CDK19: variants seen among roughly 807,000 people sequenced by gnomAD.
The protein encoded by CDK19 is cyclin dependent kinase 19, also known as cyclin-dependent kinase 19.
Under a neutral mutation model 68.3 loss-of-function variants are expected in CDK19, and 20 were observed. The ratio of observed to expected loss-of-function variants is 0.29; its 90% CI spans 0.21 to 0.43. The LOEUF is 0.43. Among genes scored for constraint, CDK19 ranks in the 20% least tolerant of loss-of-function variants. The pLI is 1.00. For missense variants in CDK19, 339 were observed against 623.5 expected (o/e 0.54, Z 4.86); for synonymous variants, 221 against 222.8 (o/e 0.99, Z 0.07).
chr6:110,649,564 G>T (rs1412224072), intron 4 of CDK19, among the ~76,000 whole-genome samples: 1 of 151,972 alleles, frequency 6.6e-6, no homozygotes, highest in Non-Finnish European at 1.5e-5. Context: ...GAAAATAAAT[G>T]ACAAAGCACA....
chr6:110,632,291 C>T (rs1244419490), intron 5 of CDK19, 130 bp from the exon 6 acceptor site: 2 of 647,386 alleles, frequency 3.1e-6, no homozygotes, highest in Non-Finnish European at 5.2e-6. Flanking sequence ...TAGCTGCTGA[C>T]CTTATAAAGC....
At chr6:110,631,696 T>G (rs1562138869) in intron 6 of CDK19, among the ~76,000 whole-genome samples, 2 of 152,230 alleles carry the variant, frequency 1.3e-5, no homozygotes, top group African/African-American at 2.4e-5. Context: ...TTTCATTTTG[T>G]GAAGAAAACA....
chr6:110,752,835 G>C (rs1219158642), intron 1 of CDK19, among the ~76,000 whole-genome samples: 1 of 151,438 alleles, frequency 6.6e-6, no homozygotes, highest in Non-Finnish European at 1.5e-5. Flanking sequence ...CCAAAGTACT[G>C]GAATTACAAG....
rs1562230544 is a variant in CDK19 at position 110,719,994 on chromosome 6, CCT to C, written c.204+26130_204+26131del. On this transcript the variant is annotated intron_variant, in intron 2 of 12. Transcript: ENST00000368911. ...TCCGCCCCCCCCCCCCCACCCCCCC[CCT>C]GCTTCGGCCTCCCAAAATGCTGGGA... Among the ~76,000 whole-genome samples the C allele has an allele frequency of 1.3e-3, 169 of 126,902 alleles. 2 individuals carry two copies. In the South Asian group the frequency reaches 0.026, roughly 20 times the overall value. The allele number at this position is 126,902 out of a possible 152,430, so 83.3% of individuals were successfully genotyped here. A position where few individuals can be genotyped will look rare whatever the true frequency, so the allele number is the denominator to read the frequency against.
At chr6:110,767,095 T>G (rs1288725645) in intron 1 of CDK19, among the ~76,000 whole-genome samples, 3 of 151,664 alleles carry the variant, frequency 2.0e-5, no homozygotes, top group Non-Finnish European at 4.4e-5. Flanking sequence ...ATTGTGCCAC[T>G]GCACTCCAGC....
chr6:110,787,902 T>TGCAA (rs1349343346), intron 1 of CDK19, among the ~76,000 whole-genome samples: 1 of 150,332 alleles, frequency 6.7e-6, no homozygotes, highest in Non-Finnish European at 1.5e-5. Context: ...TGCAGTGGCG[T>TGCAA]GATTTCGGCT....
chr6:110,621,028 T>C lies in CDK19; in HGVS notation c.1377+76A>G. On this transcript the variant is annotated intron_variant, in intron 12 of 12. Coordinates refer to ENST00000368911, the MANE Select transcript of CDK19 (RefSeq NM_015076.5). The surrounding 1 kb of genome is among the most constrained non-coding windows in gnomAD (Gnocchi z 5.4). Reference sequence around the variant, plus strand: ...GTCAAATGTAAGAGTTAAGTGTTACTTAACTCTAAAAGGATCTAGGATAAA... The same window carrying C: ...GTCAAATGTAAGAGTTAAGTGTTACCTAACTCTAAAAGGATCTAGGATAAA... The C allele has an allele frequency of 7.1e-6, 10 of 1,402,660 alleles. No homozygotes were observed. Among genetic ancestry groups the C allele is most frequent in the Non-Finnish European group, 9.7e-6 (10 of 1,030,412 alleles). The allele number at this position is 1,402,660 out of a possible 1,614,324, so 86.9% of individuals were successfully genotyped here. A position where few individuals can be genotyped will look rare whatever the true frequency, so the allele number is the denominator to read the frequency against.
intron 2 of CDK19, among the ~76,000 whole-genome samples, chr6:110,735,430 G>A (rs1473890499): frequency 1.3e-5 from 2 of 152,022 alleles, no homozygotes; most frequent in African/African-American, 2.4e-5. Flanking sequence ...AGCCCACTTT[G>A]TTCCAAGCAC....
intron 1 of CDK19, among the ~76,000 whole-genome samples, chr6:110,790,839 C>A (rs1781541000): frequency 6.6e-6 from 1 of 151,992 alleles, no homozygotes; most frequent in Non-Finnish European, 1.5e-5. Flanking sequence ...ACTGGTTAAA[C>A]AAATAAAGGT....
intron 2 of CDK19, among the ~76,000 whole-genome samples, chr6:110,681,977 G>C (rs1402523156): frequency 6.6e-6 from 1 of 152,118 alleles, no homozygotes; most frequent in Non-Finnish European, 1.5e-5. Flanking sequence ...ACTTTCTCTA[G>C]ATCCTGACTC....
intron 2 of CDK19, among the ~76,000 whole-genome samples, chr6:110,714,722 C>CTTTTTTTT (rs112875656): frequency 1.4e-5 from 1 of 69,838 alleles, no homozygotes; most frequent in African/African-American, 4.0e-5. Flanking sequence ...AATGTCTTTT[C>CTTTTTTTT]TTTTTTTTTT....
At position 110,613,682 on chromosome 6, in the gene CDK19, G is replaced by C. The variant is rs971338413; in HGVS notation, c.*853C>G. 3 of 152,594 alleles carry C rather than the reference G, an allele frequency of 2.0e-5. No individual in the cohort carries two copies. Among genetic ancestry groups the C allele is most frequent in the Admixed American group, 6.5e-5 (1 of 15,282 alleles). 9.5% of individuals were successfully genotyped at this position (152,594 alleles called of 1,614,324 possible). On this transcript the variant is annotated 3_prime_UTR_variant, in exon 13 of 13. Transcript: ENST00000368911. ...TCCTTACAGAAATCCTAGTGCAGTT[G>C]TTACTCTCTTCAGCGTTTTGGTGTG...
At chr6:110,722,036 A>T (rs1346141077) in intron 2 of CDK19, among the ~76,000 whole-genome samples, 1 of 152,144 alleles carries the variant, frequency 6.6e-6, no homozygotes, top group East Asian at 1.9e-4. Context: ...AATTTCTCTT[A>T]TCTGTGTATG....
intron 4 of CDK19, among the ~76,000 whole-genome samples, chr6:110,653,697 G>C (rs1186696294): frequency 6.6e-6 from 1 of 152,122 alleles, no homozygotes; most frequent in Non-Finnish European, 1.5e-5. Context: ...GCAAAAGTCA[G>C]GGAAATAATG....
chr6:110,813,378 G>A (rs182513885), intron 1 of CDK19: 4 of 152,198 alleles, frequency 2.6e-5, no homozygotes, highest in African/African-American at 9.6e-5. Context: ...GTTAGCATGA[G>A]GAGTATGGGA....
At chr6:110,812,415 C>A (rs1434473422) in intron 1 of CDK19, among the ~76,000 whole-genome samples, 1 of 152,184 alleles carries the variant, frequency 6.6e-6, no homozygotes, top group Non-Finnish European at 1.5e-5. Context: ...AGCCACCGCA[C>A]CCGACCCAGA....
At chr6:110,637,978 G>A (rs1053333754) in intron 5 of CDK19, among the ~76,000 whole-genome samples, 9 of 151,920 alleles carry the variant, frequency 5.9e-5, no homozygotes, top group Non-Finnish European at 1.3e-4. Flanking sequence ...GCGAGACTCC[G>A]TCTCAAAAAA....
chr6:110,765,495 CATGGT>C (rs1779519256), intron 1 of CDK19, among the ~76,000 whole-genome samples: 1 of 151,998 alleles, frequency 6.6e-6, no homozygotes, highest in African/African-American at 2.4e-5. Context: ...TGCCCAACAA[CATGGT>C]GAAACCCCGT....
intron 4 of CDK19, among the ~76,000 whole-genome samples, chr6:110,651,243 A>ATCTATCTG (rs540760556): frequency 7.2e-4 from 109 of 151,868 alleles, no homozygotes; most frequent in African/African-American, 2.6e-3. Flanking sequence ...CTATCTATCT[A>ATCTATCTG]TCTATCTATC....
Sources: gnomAD v4.1 joint callset for allele counts (sites outside exome capture counted in the v4.1 genomes callset) on GRCh38, gnomAD v4.1.1 for gene constraint, Gnocchi (gnomAD v3.1) non-coding constraint, MANE v1.5 for transcripts, NCBI Gene and HGNC (gene_info 2026-07-23, HGNC 2026-07-21) for gene names.